The following SH3RF3 variants were observed in gnomAD, a reference collection of about 807,000 sequenced individuals.
SH3RF3 encodes the protein E3 ubiquitin-protein ligase SH3RF3.
SH3RF3 carries 29 observed loss-of-function variants against 66.3 expected under a neutral mutation model. The observed-to-expected ratio is 0.44, with a 90% CI of 0.33 to 0.60. The LOEUF (loss-of-function observed/expected upper bound fraction) is 0.60. Among genes scored for constraint, SH3RF3 ranks in the 20% least tolerant of loss-of-function variants. The pLI is 0.04. For missense variants in SH3RF3, 1,194 were observed against 1,190.9 expected (o/e 1.00, Z -0.04); for synonymous variants, 583 against 532.0 (o/e 1.10, Z -1.32).
chr2:109,430,082 C>T (rs554726470), intron 5 of SH3RF3, among the ~76,000 whole-genome samples: 1 of 152,316 alleles, frequency 6.6e-6, no homozygotes, highest in African/African-American at 2.4e-5. Flanking sequence ...AGGGCGTGTT[C>T]TGAGCCTGCC....
Position 109,178,734 on chromosome 2 carries a change from TG to T in SH3RF3, c.573+48623del, listed in dbSNP as rs772634971. 2.8e-4 allele frequency among the ~76,000 whole-genome samples: 42 copies of T among 152,212 alleles called. 1 individual carries two copies. The highest frequency in any genetic ancestry group is 2.6e-3 in the Admixed American group (40 of 15,278). ...CATAGATCTAATTAACATTTTTAAT[TG>T]GTGTGTCGTGTAGTTCTGGAAACTG... On this transcript the variant is annotated intron_variant, in intron 1 of 9. Transcript: ENST00000309415.
intron 1 of SH3RF3, among the ~76,000 whole-genome samples, chr2:109,193,669 T>G (rs1479552820): frequency 6.6e-6 from 1 of 152,194 alleles, no homozygotes; most frequent in Non-Finnish European, 1.5e-5. Flanking sequence ...TTTGAGTTGT[T>G]TCTACCTCTA....
chr2:109,358,140 A>T (rs1427726635), intron 2 of SH3RF3, among the ~76,000 whole-genome samples: 1 of 152,228 alleles, frequency 6.6e-6, no homozygotes, highest in Non-Finnish European at 1.5e-5. Flanking sequence ...GGTTGAAATC[A>T]TACAATATGT....
intron 3 of SH3RF3, among the ~76,000 whole-genome samples, chr2:109,384,846 G>A (rs1675784835): frequency 6.6e-6 from 1 of 152,218 alleles, no homozygotes; most frequent in African/African-American, 2.4e-5. Flanking sequence ...CAACCCGATG[G>A]TTCCCATGTG....
At chr2:109,340,534 C>G (rs1294700829) in intron 1 of SH3RF3, among the ~76,000 whole-genome samples, 1 of 152,202 alleles carries the variant, frequency 6.6e-6, no homozygotes, top group African/African-American at 2.4e-5. Context: ...GTTCTCCCAT[C>G]TGACTTTTGC....
intron 1 of SH3RF3, among the ~76,000 whole-genome samples, chr2:109,233,902 G>A (rs914452796): frequency 2.0e-5 from 3 of 152,178 alleles, no homozygotes; most frequent in Non-Finnish European, 4.4e-5. Context: ...CTTTATTGCT[G>A]CATAATATTC....
chr2:109,144,311 T>C lies in SH3RF3; in HGVS notation c.573+14198T>C, dbSNP rs984154479. ...TAAATATATACAATTTTTATTTGTC[T>C]GTTATACCTCAATAAAACAGGGGAA... On this transcript the variant is annotated intron_variant, in intron 1 of 9. Coordinates refer to ENST00000309415, the MANE Select transcript of SH3RF3 (RefSeq NM_001099289.3). Among the ~76,000 whole-genome samples the C allele has an allele frequency of 2.6e-5, 4 of 152,258 alleles. No individual in the cohort carries two copies. The South Asian group carries it at 8.3e-4, about 32-fold the overall frequency.
chr2:109,496,468 T>A (rs144831216), intron 9 of SH3RF3, among the ~76,000 whole-genome samples: 21,533 of 152,248 alleles, frequency 0.14, 1,730 homozygotes, highest in Middle Eastern at 0.24. Context: ...TCCAGCTGGC[T>A]TCACCTTTCA....
intron 1 of SH3RF3, among the ~76,000 whole-genome samples, chr2:109,182,593 C>A (rs1176016288): frequency 1.3e-5 from 2 of 152,104 alleles, no homozygotes; most frequent in East Asian, 3.9e-4. Context: ...GCATTAATTG[C>A]AAGAATGAAT....
At chr2:109,441,456 T>C (rs889560277) in intron 7 of SH3RF3, among the ~76,000 whole-genome samples, 3 of 150,694 alleles carry the variant, frequency 2.0e-5, no homozygotes, top group South Asian at 2.1e-4. Context: ...GAAGAAAAAA[T>C]ATTTGTAAAC....
chr2:109,243,762 G>A (rs1287900280), intron 1 of SH3RF3, among the ~76,000 whole-genome samples: 1 of 152,200 alleles, frequency 6.6e-6, no homozygotes, highest in East Asian at 1.9e-4. Context: ...GGCCCGAGTG[G>A]TTTTGCAATC....
At chr2:109,277,580 C>T (rs1281653237) in intron 1 of SH3RF3, among the ~76,000 whole-genome samples, 1 of 152,170 alleles carries the variant, frequency 6.6e-6, no homozygotes, top group African/African-American at 2.4e-5. Context: ...TGTACACTGT[C>T]GTTATCTATC....
chr2:109,287,506 C>T (rs1322398965), intron 1 of SH3RF3, among the ~76,000 whole-genome samples: 1 of 152,190 alleles, frequency 6.6e-6, no homozygotes, highest in Non-Finnish European at 1.5e-5. Context: ...CAGGTTGGGA[C>T]ACTACGCTCA....
rs199693830 is a variant in SH3RF3 at position 109,144,329 on chromosome 2, CAG to C, written c.573+14217_573+14218del. Among the ~76,000 whole-genome samples the C allele has an allele frequency of 3.2e-3, 494 of 152,196 alleles. 2 individuals are homozygous for C. The highest frequency in any genetic ancestry group is 0.011 in the African/African-American group (466 of 41,508). On this transcript the variant is annotated intron_variant, in intron 1 of 9. Transcript: ENST00000309415. ...ATTTGTCTGTTATACCTCAATAAAA[CAG>C]GGGAAATATAAATTTAACATGATAA... is the stretch of plus-strand genomic sequence containing the variant.
intron 3 of SH3RF3, among the ~76,000 whole-genome samples, chr2:109,391,152 A>G (rs1413047444): frequency 6.6e-6 from 1 of 152,166 alleles, no homozygotes; most frequent in Admixed American, 6.5e-5. Context: ...CTCTTCCAAA[A>G]GCCTTGCCTG....
At chr2:109,137,792 A>G (rs1175539704) in intron 1 of SH3RF3, among the ~76,000 whole-genome samples, 2 of 152,228 alleles carry the variant, frequency 1.3e-5, no homozygotes, top group African/African-American at 4.8e-5. Flanking sequence ...CTAATCGGTT[A>G]ATCCTCCAAG....
intron 8 of SH3RF3, among the ~76,000 whole-genome samples, chr2:109,480,594 G>A (rs761100896): frequency 6.6e-6 from 1 of 152,168 alleles, no homozygotes; most frequent in African/African-American, 2.4e-5. Flanking sequence ...AGGTCATCCC[G>A]AGCAGCCATG....
At chr2:109,206,291 C>G (rs1574503923) in intron 1 of SH3RF3, among the ~76,000 whole-genome samples, 1 of 151,874 alleles carries the variant, frequency 6.6e-6, no homozygotes, top group East Asian at 1.9e-4. Flanking sequence ...GAGATTGAGA[C>G]CATCCTGGCT....
intron 7 of SH3RF3, among the ~76,000 whole-genome samples, chr2:109,442,917 A>T (rs940269898): frequency 2.6e-5 from 4 of 152,268 alleles, no homozygotes; most frequent in Admixed American, 2.0e-4. Context: ...AGATTGTCAC[A>T]TATTACTAAA....
Sources: gnomAD v4.1 joint callset for allele counts (sites outside exome capture counted in the v4.1 genomes callset) on GRCh38, gnomAD v4.1.1 for gene constraint, MANE v1.5 for transcripts, NCBI Gene and HGNC (gene_info 2026-07-23, HGNC 2026-07-21) for gene names.